The following C12orf76 variants were observed in gnomAD, a reference collection of about 807,000 sequenced individuals.
The protein encoded by C12orf76 is chromosome 12 open reading frame 76.
Under a neutral mutation model 6.8 loss-of-function variants are expected in C12orf76, and 6 were observed. The observed-to-expected ratio is 0.88, with a 90% CI of 0.48 to 1.73. The LOEUF is 1.73. C12orf76 is among the 40% of genes most tolerant of loss of function. The probability of loss-of-function intolerance (pLI) is 0.01; values close to 1 mark genes in which losing one functional copy is unlikely to be tolerated. For missense variants in C12orf76, 99 were observed against 98.2 expected, an observed-to-expected ratio of 1.01 and a Z score of -0.03; for synonymous variants, 56 against 43.7, an observed-to-expected ratio of 1.28 and a Z score of -1.11.
At chr12:110,055,470 G>A (rs1484005879) in intron 4 of C12orf76, among the ~76,000 whole-genome samples, 2 of 152,126 alleles carry the variant, frequency 1.3e-5, no homozygotes, top group African/African-American at 2.4e-5. Flanking sequence ...GCCTCCCAAA[G>A]TGTTGGGATT....
chr12:110,063,357 C>T (rs1370080402), intron 2 of C12orf76, among the ~76,000 whole-genome samples: 1 of 152,034 alleles, frequency 6.6e-6, no homozygotes, highest in Non-Finnish European at 1.5e-5. Flanking sequence ...AATCTCAGCT[C>T]ACTGCAACTG....
At chr12:110,045,315 G>A (rs1458361042) in intron 1 of C12orf76, among the ~76,000 whole-genome samples, 4 of 152,210 alleles carry the variant, frequency 2.6e-5, no homozygotes, top group East Asian at 3.9e-4. Flanking sequence ...ACTCTCGGCT[G>A]TGCGCAGCGG....
At chr12:110,059,098 C>T (rs1489638545) in exon 3 of C12orf76, 2 of 1,551,700 alleles carry the variant, frequency 1.3e-6, no homozygotes, top group Non-Finnish European at 1.7e-6. Flanking sequence ...GCTCCACAGC[C>T]TCAGCTCTCT....
chr12:110,068,873 C>A (rs568352588), upstream of C12orf76, among the ~76,000 whole-genome samples: 2 of 152,188 alleles, frequency 1.3e-5, no homozygotes, highest in African/African-American at 2.4e-5. Context: ...AAACTACTTC[C>A]GCCAATCCCT....
chr12:110,048,550 G>A, upstream of C12orf76: 1 of 1,369,656 alleles, frequency 7.3e-7, no homozygotes, highest in Non-Finnish European at 9.4e-7. Flanking sequence ...CCCTGCCTCT[G>A]TCTCCTCCCA....
upstream of C12orf76, among the ~76,000 whole-genome samples, chr12:110,069,102 G>A (rs564980565): frequency 7.2e-5 from 11 of 152,166 alleles, no homozygotes; most frequent in Admixed American, 1.3e-4. Flanking sequence ...GTGGAGAAAC[G>A]TTTTACATGG....
intron 1 of C12orf76, among the ~76,000 whole-genome samples, chr12:110,043,478 A>C (rs1391540604): frequency 1.3e-5 from 2 of 152,206 alleles, no homozygotes; most frequent in Non-Finnish European, 2.9e-5. Context: ...ATTAATAAAA[A>C]CCTGGAGATT....
rs568773011 is a variant in C12orf76 at position 110,073,461 on chromosome 12, G to A, written n.174C>T. On this transcript the variant is annotated non_coding_transcript_exon_variant, in exon 1 of 2. Transcript: ENST00000548936. ...GACGATCACGTGGAAGAACTTAATG[G>A]TGCCATAATTGATGCTTTGGATCCG... 20 of 524,250 alleles carry A rather than the reference G, an allele frequency of 3.8e-5. No individual in the cohort carries two copies. The East Asian group carries it at 7.6e-4, about 20-fold the overall frequency. The allele number at this position is 524,250 out of a possible 1,614,324, so 32.5% of individuals were successfully genotyped here. A position where few individuals can be genotyped will look rare whatever the true frequency, so the allele number is the denominator to read the frequency against.
intron 1 of C12orf76, among the ~76,000 whole-genome samples, chr12:110,046,789 C>T (rs1023801915): frequency 1.3e-5 from 2 of 152,064 alleles, no homozygotes; most frequent in African/African-American, 4.8e-5. Flanking sequence ...TTTGGCGTAC[C>T]GTGGACATTT....
chr12:110,046,313 C>G (rs1471096242), intron 1 of C12orf76, among the ~76,000 whole-genome samples: 2 of 152,198 alleles, frequency 1.3e-5, no homozygotes, highest in Non-Finnish European at 2.9e-5. Flanking sequence ...GTGGTCCCAG[C>G]TACTCAAGAG....
intron 1 of C12orf76, among the ~76,000 whole-genome samples, chr12:110,067,015 C>T (rs1892879806): frequency 6.6e-6 from 1 of 152,246 alleles, no homozygotes; most frequent in East Asian, 1.9e-4. Context: ...GTTTGTTCTC[C>T]TGTCCCTCTC....
In C12orf76 at chr12:110,055,342, T is replaced by C. The variant is rs545371391; in HGVS notation, n.664+1847A>G. 2.6e-5 allele frequency among the ~76,000 whole-genome samples: 4 copies of C among 151,954 alleles called. No homozygotes were observed. In the South Asian group the frequency reaches 8.3e-4, roughly 32 times the overall value. ...AATTCTCCTGCCTCAGCCTCCCTAG[T>C]ATTACAGGCATGCGCCGCCACACCC... On this transcript the variant is annotated intron_variant and non_coding_transcript_variant, in intron 4 of 4. Coordinates refer to the C12orf76 transcript ENST00000309050.
intron 2 of C12orf76, among the ~76,000 whole-genome samples, chr12:110,063,155 G>A (rs1002032331): frequency 1.3e-5 from 2 of 151,666 alleles, no homozygotes; most frequent in African/African-American, 4.8e-5. Context: ...GGCCAGGCTG[G>A]TCTTGAACTC....
chr12:110,065,245 G>A (rs1395255295), intron 2 of C12orf76, among the ~76,000 whole-genome samples: 2 of 150,722 alleles, frequency 1.3e-5, no homozygotes, highest in East Asian at 1.9e-4. Context: ...ATCTCGGCTC[G>A]CTGCAACCTC....
intron 1 of C12orf76, among the ~76,000 whole-genome samples, chr12:110,066,365 TCTAAAAAAAAAA>T (rs1892859341): frequency 1.8e-5 from 1 of 56,584 alleles, no homozygotes; most frequent in Non-Finnish European, 2.8e-5. Flanking sequence ...CAAGACTCCA[TCTAAAAAAAAAA>T]AAAAAAAAAA....
At chr12:110,065,829 C>T (rs1164650873) in intron 2 of C12orf76, 2 of 1,614,148 alleles carry the variant, frequency 1.2e-6, no homozygotes, top group Admixed American at 3.3e-5. Flanking sequence ...CCTGTCCTGC[C>T]CCCTGGTCTG....
At chr12:110,071,837 T>TG (rs1375916738), upstream of C12orf76, among the ~76,000 whole-genome samples, 2 of 152,168 alleles carry the variant, frequency 1.3e-5, no homozygotes, top group African/African-American at 4.8e-5. Flanking sequence ...GTGGAGAAAC[T>TG]GGACCCCTCA....
At chr12:110,046,112 G>A (rs1344590680) in intron 1 of C12orf76, among the ~76,000 whole-genome samples, 1 of 152,016 alleles carries the variant, frequency 6.6e-6, no homozygotes, top group Admixed American at 6.6e-5. Flanking sequence ...TGCCTGAATT[G>A]CAGGCCCAGG....
intron 2 of C12orf76, among the ~76,000 whole-genome samples, chr12:110,062,788 A>AT (rs71079597): frequency 0.05 from 3,180 of 63,402 alleles, 252 homozygotes; most frequent in Non-Finnish European, 0.061. Context: ...CCCAGCTAAT[A>AT]TTTTTTTTTT....
Sources: gnomAD v4.1 joint callset for allele counts (sites outside exome capture counted in the v4.1 genomes callset) on GRCh38, gnomAD v4.1.1 for gene constraint, MANE v1.5 for transcripts, NCBI Gene and HGNC (gene_info 2026-07-23, HGNC 2026-07-21) for gene names.